The following GALNT13 variants were observed in gnomAD, a reference collection of about 807,000 sequenced individuals.
The protein encoded by GALNT13 is polypeptide N-acetylgalactosaminyltransferase 13.
A neutral mutation model predicts 64.2 loss-of-function variants in GALNT13; 28 were observed. The observed-to-expected ratio is 0.44, with a 90% CI of 0.32 to 0.60. The LOEUF is 0.60. GALNT13 is among the 20% of genes least tolerant of loss of function. GALNT13 has a pLI of 0.05. For missense variants in GALNT13, 577 were observed against 669.8 expected (o/e 0.86, Z 1.53); for synonymous variants, 214 against 224.6 (o/e 0.95, Z 0.42).
the GALNT13 span, among the ~76,000 whole-genome samples, chr2:153,387,051 A>T: frequency 1.3e-5 from 2 of 152,146 alleles, no homozygotes; most frequent in Non-Finnish European, 2.9e-5. Flanking sequence ...AAATGATTTT[A>T]TGGAGCATTA....
At position 154,354,289 on chromosome 2, in the gene GALNT13, T is replaced by C. The variant is rs1185830067; in HGVS notation, c.1157-41702T>C. On this transcript the variant is annotated intron_variant, in intron 9 of 12. Coordinates refer to ENST00000392825, the MANE Select transcript of GALNT13 (RefSeq NM_052917.4). Reference sequence around the variant, plus strand: ...AGTTGTGAGGGTTTTAAATTTTGAATATCAATCCCTTATCAGATATGTGGG... The same window carrying C: ...AGTTGTGAGGGTTTTAAATTTTGAACATCAATCCCTTATCAGATATGTGGG... 2.0e-5 allele frequency among the ~76,000 whole-genome samples: 3 copies of C among 152,144 alleles called. No individual in the cohort carries two copies. The East Asian group carries it at 5.8e-4, about 29-fold the overall frequency.
At chr2:154,054,801 TAA>T (rs1442435182) in intron 3 of GALNT13, among the ~76,000 whole-genome samples, 1 of 152,008 alleles carries the variant, frequency 6.6e-6, no homozygotes, top group Non-Finnish European at 1.5e-5. Flanking sequence ...ATTATTGTTA[TAA>T]GTTTCTTCAC....
chr2:153,838,409 T>C, the GALNT13 span, among the ~76,000 whole-genome samples: 1 of 152,018 alleles, frequency 6.6e-6, no homozygotes, highest in Admixed American at 6.6e-5. Flanking sequence ...TTAATTCACT[T>C]TGAGTAGTTT....
chr2:153,423,409 C>T, the GALNT13 span: 2 of 151,774 alleles, frequency 1.3e-5, no homozygotes, highest in East Asian at 3.9e-4. Context: ...AACCAAGATA[C>T]TTTGTAATAA....
Position 154,162,539 on chromosome 2 carries a change from G to GCTGGGAAC in GALNT13, c.311+22035_311+22042dup, listed in dbSNP as rs558285914. ...GGTAGATGTAGTCTAGGAGAACTTGGCTGGGAACACAACACCATGTCTTCA... is the reference window on the plus strand; with the variant it reads ...GGTAGATGTAGTCTAGGAGAACTTGGCTGGGAACCTGGGAACACAACACCATGTCTTCA... On this transcript the variant is annotated intron_variant, in intron 4 of 12. Transcript: ENST00000392825. Among the ~76,000 whole-genome samples, 449 of 152,280 alleles carry GCTGGGAAC rather than the reference G, an allele frequency of 2.9e-3. 7 individuals are homozygous for GCTGGGAAC. The highest frequency in any genetic ancestry group is 0.01 in the African/African-American group (427 of 41,560).
Position 154,044,516 on chromosome 2 carries a change from A to T in GALNT13, c.143-95821A>T, listed in dbSNP as rs114249337. On this transcript the variant is annotated intron_variant, in intron 3 of 12. Transcript: ENST00000392825. ...GAGCTAGGTCATTATAGGCCTGGTCATCTTGCTATAGAGCTGTAGTCTGGT... is the reference window on the plus strand; with the variant it reads ...GAGCTAGGTCATTATAGGCCTGGTCTTCTTGCTATAGAGCTGTAGTCTGGT... Among the ~76,000 whole-genome samples, 887 of 152,304 alleles carry T rather than the reference A, an allele frequency of 5.8e-3. 5 individuals carry two copies. The highest frequency in any genetic ancestry group is 0.02 in the African/African-American group (818 of 41,574).
the GALNT13 span, among the ~76,000 whole-genome samples, chr2:153,127,788 G>A: frequency 6.6e-6 from 1 of 152,082 alleles, no homozygotes; most frequent in Admixed American, 6.6e-5. Flanking sequence ...CCTAGGCTTT[G>A]GTAGTTTTGT....
the GALNT13 span, among the ~76,000 whole-genome samples, chr2:153,344,236 A>G: frequency 6.6e-6 from 1 of 152,190 alleles, no homozygotes; most frequent in African/African-American, 2.4e-5. Flanking sequence ...GACAAGTTCC[A>G]CCATTTGTCT....
At chr2:154,336,493 C>T (rs1296839283) in intron 9 of GALNT13, among the ~76,000 whole-genome samples, 1 of 152,152 alleles carries the variant, frequency 6.6e-6, no homozygotes. Context: ...TTAGAATCTC[C>T]TATGAAGCAT....
At chr2:153,550,991 G>C in the GALNT13 span, among the ~76,000 whole-genome samples, 1 of 152,162 alleles carries the variant, frequency 6.6e-6, no homozygotes, top group Admixed American at 6.5e-5. Flanking sequence ...AGGGTGGCTA[G>C]AGAGGGCTCT....
chr2:154,219,929 C>T (rs1688238359), intron 4 of GALNT13, among the ~76,000 whole-genome samples: 1 of 152,034 alleles, frequency 6.6e-6, no homozygotes, highest in South Asian at 2.1e-4. Flanking sequence ...CAGGGAGCAA[C>T]CTAATTTCCG....
chr2:153,132,119 A>G, the GALNT13 span, among the ~76,000 whole-genome samples: 1 of 152,172 alleles, frequency 6.6e-6, no homozygotes, highest in Non-Finnish European at 1.5e-5. Context: ...GAACCCACAA[A>G]AGAAATTGCC....
At position 154,040,930 on chromosome 2, in the gene GALNT13, T is replaced by C. The variant is rs1341759099; in HGVS notation, c.142+96291T>C. 2.1e-5 allele frequency among the ~76,000 whole-genome samples: 3 copies of C among 140,242 alleles called. No homozygotes were observed. In the Admixed American group the frequency reaches 2.2e-4, roughly 10 times the overall value. 92.0% of individuals were successfully genotyped at this position (140,242 alleles called of 152,430 possible). A position where few individuals can be genotyped will look rare whatever the true frequency, so the allele number is the denominator to read the frequency against. ...TCGAATCCTCCATACAATGTGGTAC[T>C]TTTAAAGAGAACATCTGTTTTTGTA... is the stretch of plus-strand genomic sequence containing the variant. On this transcript the variant is annotated intron_variant, in intron 3 of 12. Transcript: ENST00000392825.
chr2:153,402,204 T>C, the GALNT13 span, among the ~76,000 whole-genome samples: 1 of 150,434 alleles, frequency 6.6e-6, no homozygotes, highest in Non-Finnish European at 1.5e-5. Flanking sequence ...TTTGGCTGGA[T>C]ATGAAATTCT....
At chr2:153,614,768 A>T in the GALNT13 span, among the ~76,000 whole-genome samples, 1 of 152,062 alleles carries the variant, frequency 6.6e-6, no homozygotes, top group Non-Finnish European at 1.5e-5. Flanking sequence ...TACATAGTAG[A>T]TATATATTTA....
At chr2:153,940,655 A>C (rs1691278776) in intron 2 of GALNT13, among the ~76,000 whole-genome samples, 1 of 152,164 alleles carries the variant, frequency 6.6e-6, no homozygotes, top group South Asian at 2.1e-4. Flanking sequence ...TACGTTTATC[A>C]GCCCATAAAC....
chr2:154,308,589 A>G (rs555306957), intron 9 of GALNT13, among the ~76,000 whole-genome samples: 60 of 152,212 alleles, frequency 3.9e-4, no homozygotes, highest in Admixed American at 6.5e-4. Context: ...AATATTAGCT[A>G]TTGGTTGGAT....
At chr2:153,161,021 C>T in the GALNT13 span, among the ~76,000 whole-genome samples, 1 of 152,260 alleles carries the variant, frequency 6.6e-6, no homozygotes, top group South Asian at 2.1e-4. Flanking sequence ...TTAAAATATA[C>T]TAGATTAAAA....
chr2:154,281,014 A>G (rs1402461530), intron 8 of GALNT13, among the ~76,000 whole-genome samples: 1 of 152,240 alleles, frequency 6.6e-6, no homozygotes, highest in Non-Finnish European at 1.5e-5. Context: ...TTTTGTCTTA[A>G]TAATCACTTA....
Sources: gnomAD v4.1 joint callset for allele counts (sites outside exome capture counted in the v4.1 genomes callset) on GRCh38, gnomAD v4.1.1 for gene constraint, MANE v1.5 for transcripts, NCBI Gene and HGNC (gene_info 2026-07-23, HGNC 2026-07-21) for gene names.